EYA4: variants seen among roughly 807,000 people sequenced by gnomAD.
EYA4 encodes the protein protein phosphatase EYA4.
Under a neutral mutation model 87.9 loss-of-function variants are expected in EYA4, and 31 were observed. The ratio of observed to expected loss-of-function variants is 0.35; its 90% CI spans 0.27 to 0.48. EYA4 has a LOEUF of 0.48. EYA4 is among the 20% of genes least tolerant of loss of function. The probability of loss-of-function intolerance (pLI) is 0.99; values close to 1 mark genes in which losing one functional copy is unlikely to be tolerated. For synonymous variants in EYA4, 263 were observed against 270.6 expected, an observed-to-expected ratio of 0.97 and a Z score of 0.28; for missense variants, 678 against 761.4, an observed-to-expected ratio of 0.89 and a Z score of 1.29.
At chr6:133,420,878 T>C (rs1790159704) in intron 3 of EYA4, among the ~76,000 whole-genome samples, 1 of 152,164 alleles carries the variant, frequency 6.6e-6, no homozygotes, top group African/African-American at 2.4e-5. Flanking sequence ...TAATACAAGG[T>C]AAGCAGGTCC....
chr6:133,407,092 A>G (rs550644691), intron 3 of EYA4, among the ~76,000 whole-genome samples: 4 of 152,284 alleles, frequency 2.6e-5, no homozygotes, highest in Admixed American at 2.6e-4. Flanking sequence ...TCAGAAGATA[A>G]GAAAAAACTT....
chr6:133,402,911 C>G (rs552302141), intron 3 of EYA4, among the ~76,000 whole-genome samples: 1 of 152,240 alleles, frequency 6.6e-6, no homozygotes, highest in African/African-American at 2.4e-5. Flanking sequence ...CTGATGTTTC[C>G]ATGAATTGTG....
intron 2 of EYA4, among the ~76,000 whole-genome samples, chr6:133,312,138 T>C (rs369287726): frequency 1.0e-3 from 154 of 152,128 alleles, no homozygotes; most frequent in African/African-American, 3.4e-3. Flanking sequence ...GAGGGGGTTT[T>C]CTAGAGGAAA....
chr6:133,403,101 A>G (rs901863690), intron 3 of EYA4, among the ~76,000 whole-genome samples: 3 of 152,114 alleles, frequency 2.0e-5, no homozygotes, highest in East Asian at 1.9e-4. Context: ...TATTATTTCC[A>G]TTACTAATTT....
At chr6:133,405,805 T>G (rs1788652533) in intron 3 of EYA4, among the ~76,000 whole-genome samples, 1 of 151,886 alleles carries the variant, frequency 6.6e-6, no homozygotes, top group African/African-American at 2.4e-5. Context: ...GGGGTGACAA[T>G]TTTGCATTGC....
At position 133,528,856 on chromosome 6, in the gene EYA4, T is replaced by A; in HGVS notation, c.*51T>A. The A allele has an allele frequency of 6.2e-7, 1 of 1,611,328 alleles. No individual in the cohort carries two copies. The highest frequency in any genetic ancestry group is 1.3e-5 in the African/African-American group (1 of 74,972). On this transcript the variant is annotated 3_prime_UTR_variant, in exon 20 of 20. Coordinates refer to ENST00000355286, the MANE Select transcript of EYA4 (RefSeq NM_004100.5). ...TTTTTATATTTCAAGTACACTGAATTTTTATGTGTGATTCAATGCCTCTGG... is the reference window on the plus strand; with the variant it reads ...TTTTTATATTTCAAGTACACTGAATATTTATGTGTGATTCAATGCCTCTGG...
intron 2 of EYA4, among the ~76,000 whole-genome samples, chr6:133,362,606 T>G (rs1784533780): frequency 6.6e-6 from 1 of 152,104 alleles, no homozygotes; most frequent in South Asian, 2.1e-4. Context: ...TGGAACAAAT[T>G]CTATAGCCAC....
intron 13 of EYA4, among the ~76,000 whole-genome samples, chr6:133,504,531 G>A (rs374550556): frequency 3.9e-5 from 6 of 152,230 alleles, no homozygotes; most frequent in African/African-American, 1.2e-4. Flanking sequence ...CACTCACATC[G>A]TCTTAGTTTA....
At chr6:133,384,526 A>G (rs1786526314) in intron 3 of EYA4, among the ~76,000 whole-genome samples, 1 of 152,180 alleles carries the variant, frequency 6.6e-6, no homozygotes, top group Admixed American at 6.5e-5. Context: ...AAACAAGCAA[A>G]CAAATACAAT....
At chr6:133,433,610 TC>T (rs1487655020) in intron 3 of EYA4, among the ~76,000 whole-genome samples, 15 of 152,142 alleles carry the variant, frequency 9.9e-5, no homozygotes, top group African/African-American at 3.4e-4. Context: ...CACCTTGGCC[TC>T]CCAAAATGCT....
At chr6:133,423,523 G>A (rs1790396275) in intron 3 of EYA4, among the ~76,000 whole-genome samples, 1 of 152,164 alleles carries the variant, frequency 6.6e-6, no homozygotes, top group Admixed American at 6.5e-5. Flanking sequence ...GTTGTTTAAA[G>A]TTATAATTCA....
intron 2 of EYA4, among the ~76,000 whole-genome samples, chr6:133,366,733 A>G (rs566444644): frequency 9.4e-4 from 28 of 29,682 alleles, no homozygotes; most frequent in Admixed American, 5.7e-3. Context: ...TTTGGATTTT[A>G]TATTCTATGT....
intron 3 of EYA4, among the ~76,000 whole-genome samples, chr6:133,387,935 A>T (rs997947567): frequency 6.6e-6 from 1 of 152,094 alleles, no homozygotes; most frequent in Non-Finnish European, 1.5e-5. Flanking sequence ...TCCTGCAGAT[A>T]TGGATGCAGA....
intron 17 of EYA4, among the ~76,000 whole-genome samples, chr6:133,519,211 G>C (rs1385581864): frequency 2.0e-5 from 3 of 150,578 alleles, no homozygotes; most frequent in Admixed American, 2.0e-4. Flanking sequence ...TCCAGGAGCT[G>C]GTTTTTTGAA....
chr6:133,335,498 A>G (rs1458977360), intron 2 of EYA4, among the ~76,000 whole-genome samples: 3 of 152,198 alleles, frequency 2.0e-5, no homozygotes, highest in South Asian at 2.1e-4. Flanking sequence ...GTTGCTTGCA[A>G]TCAAGTTGTT....
At chr6:133,521,618 T>A (rs1272895284) in intron 17 of EYA4, among the ~76,000 whole-genome samples, 1 of 84,098 alleles carries the variant, frequency 1.2e-5, no homozygotes, top group Admixed American at 1.4e-4. Context: ...TTACTGGGTA[T>A]ATACCCAAAG....
intron 13 of EYA4, among the ~76,000 whole-genome samples, chr6:133,502,835 G>A (rs1286295028): frequency 2.0e-5 from 3 of 152,126 alleles, no homozygotes; most frequent in African/African-American, 7.2e-5. Flanking sequence ...TGGCATGGCT[G>A]ATGAAACCTC....
chr6:133,248,075 C>G (rs1326302135), intron 1 of EYA4: 1 of 152,158 alleles, frequency 6.6e-6, no homozygotes, highest in Non-Finnish European at 1.5e-5. Context: ...AAAATTAAAA[C>G]TGATCAAAAT....
intron 11 of EYA4, among the ~76,000 whole-genome samples, chr6:133,477,614 G>A (rs1037699712): frequency 4.6e-5 from 7 of 151,922 alleles, no homozygotes; most frequent in African/African-American, 7.3e-5. Flanking sequence ...TTGACCTTCT[G>A]GTAACCTGAA....
Sources: gnomAD v4.1 joint callset for allele counts (sites outside exome capture counted in the v4.1 genomes callset) on GRCh38, gnomAD v4.1.1 for gene constraint, MANE v1.5 for transcripts, NCBI Gene and HGNC (gene_info 2026-07-23, HGNC 2026-07-21) for gene names.